PARD3B: variants seen among roughly 807,000 people sequenced by gnomAD.
PARD3B encodes par-3 family cell polarity regulator beta, also known as partitioning defective 3 homolog B.
PARD3B carries 103 observed loss-of-function variants against 130.2 expected under a neutral mutation model. That is an observed-to-expected ratio of 0.79 (90% CI 0.67 to 0.93). PARD3B has a LOEUF of 0.93. PARD3B is among the 40% of genes least tolerant of loss of function. PARD3B has a pLI of 0.00. For missense variants in PARD3B, 1,609 were observed against 1,499.2 expected (o/e 1.07, Z -1.21); for synonymous variants, 583 against 553.2 (o/e 1.05, Z -0.76).
intron 19 of PARD3B, among the ~76,000 whole-genome samples, chr2:205,429,946 T>C (rs2047272874): frequency 1.3e-5 from 2 of 152,228 alleles, no homozygotes; most frequent in African/African-American, 4.8e-5. Context: ...GGCTCCAATT[T>C]CTGCCTCTGC....
intron 2 of PARD3B, among the ~76,000 whole-genome samples, chr2:204,711,145 T>C (rs2038412842): frequency 6.6e-6 from 1 of 152,216 alleles, no homozygotes; most frequent in East Asian, 1.9e-4. Flanking sequence ...AATTAAATTA[T>C]AGCATATTTT....
intron 2 of PARD3B, among the ~76,000 whole-genome samples, chr2:204,944,303 G>C (rs1689141854): frequency 6.6e-6 from 1 of 152,226 alleles, no homozygotes; most frequent in South Asian, 2.1e-4. Flanking sequence ...AGAGAGAGCT[G>C]AGCTGTAGAG....
At chr2:205,489,409 C>T (rs1047289141) in intron 20 of PARD3B, among the ~76,000 whole-genome samples, 2 of 151,226 alleles carry the variant, frequency 1.3e-5, no homozygotes, top group Non-Finnish European at 2.9e-5. Flanking sequence ...CTCAGGAGTT[C>T]GAGGTTACAA....
At chr2:205,454,044 A>C (rs923306198) in intron 20 of PARD3B, among the ~76,000 whole-genome samples, 4 of 152,092 alleles carry the variant, frequency 2.6e-5, no homozygotes, top group Non-Finnish European at 5.9e-5. Context: ...TAAAAAAATT[A>C]TATGTATGTT....
At chr2:205,200,756 TTTTTCC>T (rs2036944292) in intron 15 of PARD3B, among the ~76,000 whole-genome samples, 1 of 152,196 alleles carries the variant, frequency 6.6e-6, no homozygotes, top group Non-Finnish European at 1.5e-5. Context: ...ATAGAAATGT[TTTTTCC>T]TAAAGCCAAA....
intron 18 of PARD3B, among the ~76,000 whole-genome samples, chr2:205,319,119 C>T (rs548690976): frequency 1.3e-4 from 20 of 152,238 alleles, no homozygotes; most frequent in Non-Finnish European, 2.6e-4. Flanking sequence ...TAGCCTCTCC[C>T]GTGACCTTGG....
chr2:204,952,902 CAGG>C (rs1382451678), intron 2 of PARD3B, among the ~76,000 whole-genome samples: 1 of 150,576 alleles, frequency 6.6e-6, no homozygotes, highest in Non-Finnish European at 1.5e-5. Flanking sequence ...GAGGCTGATG[CAGG>C]AGAATGGCGT....
intron 1 of PARD3B, among the ~76,000 whole-genome samples, chr2:204,567,976 G>T (rs930693072): frequency 3.3e-5 from 5 of 152,084 alleles, no homozygotes; most frequent in African/African-American, 1.2e-4. Context: ...ATTTTAGAAT[G>T]ATATAGTAAA....
At chr2:204,819,416 A>G (rs1242285083) in intron 2 of PARD3B, among the ~76,000 whole-genome samples, 1 of 152,202 alleles carries the variant, frequency 6.6e-6, no homozygotes, top group Non-Finnish European at 1.5e-5. Context: ...AGCAAACTTA[A>G]TAAGTGCATG....
intron 11 of PARD3B, among the ~76,000 whole-genome samples, chr2:205,162,668 T>C (rs1254214810): frequency 6.6e-6 from 1 of 152,248 alleles, no homozygotes; most frequent in African/African-American, 2.4e-5. Context: ...AAAATGTTGC[T>C]TTTGTGGTTG....
intron 10 of PARD3B, among the ~76,000 whole-genome samples, chr2:205,143,180 G>A (rs2033108489): frequency 6.6e-6 from 1 of 152,140 alleles, no homozygotes; most frequent in African/African-American, 2.4e-5. Flanking sequence ...CACATGAAAT[G>A]TGTTTTTTTC....
intron 18 of PARD3B, among the ~76,000 whole-genome samples, chr2:205,319,917 G>A (rs866617287): frequency 2.0e-5 from 3 of 151,948 alleles, no homozygotes; most frequent in Admixed American, 6.6e-5. Context: ...GGTGGCTCAC[G>A]CCTGTAATCC....
At position 205,615,959 on chromosome 2, in the gene PARD3B, C is replaced by A; in HGVS notation, c.*146C>A. Reference sequence around the variant, plus strand: ...TCACTGACATTGTAACGCATGACTGCTAATCAGAGAGAAAAAGAAGGGGAA... The same window carrying A: ...TCACTGACATTGTAACGCATGACTGATAATCAGAGAGAAAAAGAAGGGGAA... On this transcript the variant is annotated 3_prime_UTR_variant, in exon 23 of 23. Transcript: ENST00000406610. The A allele has an allele frequency of 1.5e-6, 1 of 686,726 alleles. No homozygotes were observed. The highest frequency in any genetic ancestry group is 2.4e-6 in the Non-Finnish European group (1 of 418,098). The allele number at this position is 686,726 out of a possible 1,614,324, so 42.5% of individuals were successfully genotyped here.
intron 2 of PARD3B, among the ~76,000 whole-genome samples, chr2:204,926,843 T>G (rs1320196085): frequency 6.6e-6 from 1 of 152,116 alleles, no homozygotes; most frequent in Non-Finnish European, 1.5e-5. Flanking sequence ...CATTTGCCAT[T>G]TTTTGATATT....
In PARD3B at chr2:205,617,520, T is replaced by G. The variant is rs1358953880; in HGVS notation, c.*1707T>G. The stretch of plus-strand genomic sequence containing the variant: ...ATTCTGCTACCAAGAAGGATGCAAC[T>G]GCTAGTTTTAGATGTAAATAGTGTT... On this transcript the variant is annotated 3_prime_UTR_variant, in exon 23 of 23. Transcript: ENST00000406610. The G allele has an allele frequency of 1.3e-5, 2 of 152,216 alleles. No homozygotes were observed. The highest frequency in any genetic ancestry group is 2.9e-5 in the Non-Finnish European group (2 of 68,040). 9.4% of individuals were successfully genotyped at this position (152,216 alleles called of 1,614,324 possible).
intron 3 of PARD3B, among the ~76,000 whole-genome samples, chr2:204,973,950 G>C (rs1339106482): frequency 6.6e-6 from 1 of 152,072 alleles, no homozygotes; most frequent in East Asian, 1.9e-4. Context: ...AAAAGACAAA[G>C]ACCTCCCAGA....
At chr2:204,628,440 AAG>A (rs1431860439) in intron 1 of PARD3B, among the ~76,000 whole-genome samples, 7 of 152,144 alleles carry the variant, frequency 4.6e-5, no homozygotes, top group African/African-American at 1.4e-4. Flanking sequence ...CATAAATTTA[AAG>A]AGAGGGGAGA....
At chr2:205,180,379 A>G (rs1222576489) in intron 13 of PARD3B, among the ~76,000 whole-genome samples, 1 of 152,040 alleles carries the variant, frequency 6.6e-6, no homozygotes, top group Non-Finnish European at 1.5e-5. Flanking sequence ...TCTTTGTAAT[A>G]TTAATGGCAT....
In PARD3B at chr2:205,181,752, A is replaced by G. The variant is rs143193121; in HGVS notation, c.1925-4012A>G. 3.0e-4 allele frequency among the ~76,000 whole-genome samples: 46 copies of G among 152,344 alleles called. 1 individual carries two copies. The highest frequency in any genetic ancestry group is 9.6e-4 in the African/African-American group (40 of 41,580). ...AATAACAACAAAAGATGATAATTAAAAAGAAGAGCCATTTGGCCATCAATG... is the reference window on the plus strand; with the variant it reads ...AATAACAACAAAAGATGATAATTAAGAAGAAGAGCCATTTGGCCATCAATG... On this transcript the variant is annotated intron_variant, in intron 13 of 22. Coordinates refer to ENST00000406610, the MANE Select transcript of PARD3B (RefSeq NM_001302769.2).
Sources: gnomAD v4.1 joint callset for allele counts (sites outside exome capture counted in the v4.1 genomes callset) on GRCh38, gnomAD v4.1.1 for gene constraint, MANE v1.5 for transcripts, NCBI Gene and HGNC (gene_info 2026-07-23, HGNC 2026-07-21) for gene names.